The following TSPAN12 variants were observed in gnomAD, a reference collection of about 807,000 sequenced individuals.
TSPAN12 encodes tetraspanin 12, also known as tetraspanin-12.
Under a neutral mutation model 39.2 loss-of-function variants are expected in TSPAN12, and 19 were observed. The observed-to-expected ratio is 0.49, with a 90% CI of 0.34 to 0.71. The LOEUF is 0.71. Ranked by LOEUF, TSPAN12 falls within the 30% of genes least tolerant of loss-of-function variation. The probability of loss-of-function intolerance (pLI) is 0.01; values close to 1 mark genes in which losing one functional copy is unlikely to be tolerated. For missense variants in TSPAN12, 314 were observed against 359.9 expected, an observed-to-expected ratio of 0.87 and a Z score of 1.03; for synonymous variants, 119 against 124.8, an observed-to-expected ratio of 0.95 and a Z score of 0.31.
intron 2 of TSPAN12, among the ~76,000 whole-genome samples, chr7:120,849,882 A>G (rs1429953921): frequency 6.6e-6 from 1 of 152,156 alleles, no homozygotes; most frequent in Non-Finnish European, 1.5e-5. Flanking sequence ...CACCATACTT[A>G]GCCTTTAAAT....
intron 5 of TSPAN12, among the ~76,000 whole-genome samples, chr7:120,814,541 C>A (rs550931241): frequency 6.6e-6 from 1 of 152,168 alleles, no homozygotes; most frequent in South Asian, 2.1e-4. Context: ...AGTCTGGCCT[C>A]CCTCCATGAA....
intron 4 of TSPAN12, among the ~76,000 whole-genome samples, chr7:120,827,654 C>T (rs904975554): frequency 4.6e-5 from 7 of 152,084 alleles, no homozygotes; most frequent in African/African-American, 9.7e-5. Context: ...TTGAATATAA[C>T]GATGTTGAAA....
At chr7:120,843,181 G>A (rs776905884) in intron 2 of TSPAN12, among the ~76,000 whole-genome samples, 1 of 152,150 alleles carries the variant, frequency 6.6e-6, no homozygotes, top group Non-Finnish European at 1.5e-5. Context: ...TCTGTTAGAA[G>A]TGAACAGATT....
intron 2 of TSPAN12, among the ~76,000 whole-genome samples, chr7:120,841,487 G>A (rs1387432617): frequency 7.9e-5 from 12 of 152,122 alleles, no homozygotes; most frequent in Admixed American, 2.6e-4. Context: ...ACATGACCCA[G>A]TGCAATACAT....
At chr7:120,810,414 G>T in intron 6 of TSPAN12, 49 bp downstream of exon 6, 1 of 1,154,132 alleles carries the variant, frequency 8.7e-7, no homozygotes, top group Non-Finnish European at 1.3e-6. Context: ...CTGGTTTGAA[G>T]GTGCACCACT....
intron 2 of TSPAN12, among the ~76,000 whole-genome samples, chr7:120,845,312 A>C (rs1375798652): frequency 6.6e-6 from 1 of 152,218 alleles, no homozygotes; most frequent in Non-Finnish European, 1.5e-5. Context: ...ATTGTCTTGA[A>C]TATTAATATT....
intron 7 of TSPAN12, among the ~76,000 whole-genome samples, chr7:120,789,442 G>A (rs544166230): frequency 3.3e-5 from 5 of 152,258 alleles, no homozygotes; most frequent in African/African-American, 7.2e-5. Context: ...TTCTCTGGCC[G>A]CCTTAACCTA....
At chr7:120,792,451 G>T (rs1793546607) in intron 7 of TSPAN12, among the ~76,000 whole-genome samples, 1 of 152,214 alleles carries the variant, frequency 6.6e-6, no homozygotes, top group Non-Finnish European at 1.5e-5. Context: ...GGCTTGACAA[G>T]CTCTGACATA....
At chr7:120,851,665 T>C (rs1489726431) in intron 2 of TSPAN12, among the ~76,000 whole-genome samples, 5 of 152,156 alleles carry the variant, frequency 3.3e-5, no homozygotes, top group Non-Finnish European at 4.4e-5. Flanking sequence ...TTAAATAATA[T>C]GCCATTTAAA....
intron 4 of TSPAN12, among the ~76,000 whole-genome samples, chr7:120,834,885 G>A (rs928758518): frequency 6.6e-6 from 1 of 152,040 alleles, no homozygotes; most frequent in Non-Finnish European, 1.5e-5. Flanking sequence ...ACATCATGTC[G>A]CATTCTGCAC....
chr7:120,799,662 A>C (rs1722479723), intron 7 of TSPAN12, among the ~76,000 whole-genome samples: 2 of 104,408 alleles, frequency 1.9e-5, no homozygotes, highest in Non-Finnish European at 3.6e-5. Flanking sequence ...TAAATATATA[A>C]AAATATATAA....
intron 7 of TSPAN12, among the ~76,000 whole-genome samples, chr7:120,794,102 C>A (rs1793584820): frequency 1.3e-5 from 2 of 152,232 alleles, no homozygotes; most frequent in South Asian, 4.2e-4. Flanking sequence ...TTTGACTTTC[C>A]AATTCTGTTT....
intron 7 of TSPAN12, among the ~76,000 whole-genome samples, chr7:120,793,613 A>G (rs1793575837): frequency 6.6e-6 from 1 of 152,240 alleles, no homozygotes; most frequent in African/African-American, 2.4e-5. Context: ...ATTAAACTAT[A>G]TATTTTATGC....
At chr7:120,799,786 TAATA>T (rs905749108) in intron 7 of TSPAN12, among the ~76,000 whole-genome samples, 3 of 135,726 alleles carry the variant, frequency 2.2e-5, no homozygotes, top group Non-Finnish European at 4.6e-5. Flanking sequence ...AAATTATATA[TAATA>T]AATATATTAA....
chr7:120,805,520 T>C (rs550004304), intron 7 of TSPAN12, among the ~76,000 whole-genome samples: 3 of 152,262 alleles, frequency 2.0e-5, no homozygotes, highest in East Asian at 3.9e-4. Flanking sequence ...ACATGAGTTA[T>C]ATTATGAATA....
chr7:120,818,386 G>C (rs1342538161), intron 4 of TSPAN12, among the ~76,000 whole-genome samples: 1 of 151,986 alleles, frequency 6.6e-6, no homozygotes, highest in East Asian at 1.9e-4. Flanking sequence ...AAGGTGTGAT[G>C]AATCTAATAA....
chr7:120,807,033 A>G (rs1424447594), intron 6 of TSPAN12, among the ~76,000 whole-genome samples: 4 of 152,124 alleles, frequency 2.6e-5, no homozygotes, highest in Non-Finnish European at 5.9e-5. Flanking sequence ...TGACACTTTA[A>G]TCATTAAACC....
intron 2 of TSPAN12, among the ~76,000 whole-genome samples, chr7:120,850,400 A>T (rs956593577): frequency 2.0e-5 from 3 of 152,220 alleles, no homozygotes; most frequent in Admixed American, 1.3e-4. Flanking sequence ...ATCACCCTAA[A>T]GTCACTATAA....
In TSPAN12 at chr7:120,788,732, T is replaced by C; in HGVS notation, c.778A>G (p.Met260Val). The C allele has an allele frequency of 1.2e-6, 2 of 1,614,152 alleles. No individual in the cohort carries two copies. Among genetic ancestry groups the C allele is most frequent in the Non-Finnish European group, 1.7e-6 (2 of 1,180,006 alleles). ...YDRREPGTDQ[M>V]MSLKNDNSQH... ...GAGTTGTCATTCTTCAAGGACATCATTTGGTCTGTCCCCGGCTCCCTTCTA... is the reference window on the plus strand; with the variant it reads ...GAGTTGTCATTCTTCAAGGACATCACTTGGTCTGTCCCCGGCTCCCTTCTA... The change falls in exon 8 of 8, where the codon ATG (methionine) becomes GTG (valine). Residue 260 changes from methionine (M) to valine (V), a missense_variant. Physicochemically the swap from Met to Val is conservative, Grantham distance 21 (BLOSUM62 1). Transcript: ENST00000222747.
Sources: gnomAD v4.1 joint callset for allele counts (sites outside exome capture counted in the v4.1 genomes callset) on GRCh38, gnomAD v4.1.1 for gene constraint, MANE v1.5 for transcripts, NCBI Gene and HGNC (gene_info 2026-07-23, HGNC 2026-07-21) for gene names.